Variants in TRAPPC9 observed in about 807,000 individuals in gnomAD.
The protein encoded by TRAPPC9 is IKK2 binding protein.
A neutral mutation model predicts 124.0 loss-of-function variants in TRAPPC9; 83 were observed. That is an observed-to-expected ratio of 0.67 (90% CI 0.56 to 0.80). The LOEUF is 0.80. Among genes scored for constraint, TRAPPC9 ranks in the 30% least tolerant of loss-of-function variants. The probability of loss-of-function intolerance (pLI) is 0.00; values close to 1 mark genes in which losing one functional copy is unlikely to be tolerated. For synonymous variants in TRAPPC9, 638 were observed against 617.5 expected (o/e 1.03, Z -0.49); for missense variants, 1,302 against 1,508.3 (o/e 0.86, Z 2.27).
intron 21 of TRAPPC9, among the ~76,000 whole-genome samples, chr8:139,754,053 G>A (rs1294495316): frequency 6.6e-6 from 1 of 152,222 alleles, no homozygotes; most frequent in Non-Finnish European, 1.5e-5. Flanking sequence ...TGCAAAAAGA[G>A]AGACCATCCA....
intron 17 of TRAPPC9, among the ~76,000 whole-genome samples, chr8:140,080,512 G>C (rs1350949795): frequency 6.6e-6 from 1 of 152,230 alleles, no homozygotes; most frequent in Admixed American, 6.5e-5. Context: ...AGAAACACCA[G>C]AGGGCATATG....
At chr8:139,751,113 T>A (rs959378602) in intron 21 of TRAPPC9, among the ~76,000 whole-genome samples, 1 of 152,096 alleles carries the variant, frequency 6.6e-6, no homozygotes, top group Non-Finnish European at 1.5e-5. Context: ...CCATTTAAAA[T>A]TAGCACAGCC....
At chr8:139,921,099 A>G (rs1387214393) in intron 19 of TRAPPC9, among the ~76,000 whole-genome samples, 2 of 152,256 alleles carry the variant, frequency 1.3e-5, no homozygotes, top group South Asian at 4.1e-4. Flanking sequence ...TGGATCTTGC[A>G]GCACAGCTAG....
intron 17 of TRAPPC9, among the ~76,000 whole-genome samples, chr8:140,201,610 A>G (rs540510356): frequency 6.6e-6 from 1 of 152,360 alleles, no homozygotes; most frequent in African/African-American, 2.4e-5. Flanking sequence ...TTCAAATATT[A>G]TATCTCATTG....
Position 139,885,367 on chromosome 8 carries a change from C to T in TRAPPC9, c.3055+512G>A, listed in dbSNP as rs567615000. On this transcript the variant is annotated intron_variant, in intron 21 of 22. Transcript: ENST00000438773. The stretch of plus-strand genomic sequence containing the variant: ...GGTTGAACACAACGTTGAGTTGAGG[C>T]ATTTACAAACCAAACAATTTTCCAC... Among the ~76,000 whole-genome samples the T allele has an allele frequency of 2.6e-5, 4 of 152,272 alleles. No individual in the cohort carries two copies. The South Asian group carries it at 8.3e-4, about 32-fold the overall frequency.
intron 7 of TRAPPC9, among the ~76,000 whole-genome samples, chr8:140,392,423 G>A (rs1588271617): frequency 1.3e-5 from 2 of 152,310 alleles, no homozygotes; most frequent in East Asian, 1.9e-4. Context: ...GAGCAGGCCT[G>A]ACTAGAAAAT....
chr8:139,890,309 A>G (rs1172966117), intron 20 of TRAPPC9, among the ~76,000 whole-genome samples: 1 of 152,238 alleles, frequency 6.6e-6, no homozygotes, highest in Non-Finnish European at 1.5e-5. Flanking sequence ...CGAGCACCCC[A>G]TCAGGGCTAA....
At chr8:140,322,162 C>T (rs1335753869) in intron 9 of TRAPPC9, among the ~76,000 whole-genome samples, 1 of 152,170 alleles carries the variant, frequency 6.6e-6, no homozygotes, top group Non-Finnish European at 1.5e-5. Flanking sequence ...CTCCCCCAAA[C>T]CCACAAATCC....
At chr8:140,067,309 A>C (rs1842939158) in intron 17 of TRAPPC9, among the ~76,000 whole-genome samples, 1 of 152,034 alleles carries the variant, frequency 6.6e-6, no homozygotes, top group African/African-American at 2.4e-5. Context: ...AAACCCAGCT[A>C]ATTTTTTGTA....
At chr8:140,290,230 C>T (rs545292627) in intron 12 of TRAPPC9, among the ~76,000 whole-genome samples, 76 of 152,300 alleles carry the variant, frequency 5.0e-4, no homozygotes, top group African/African-American at 1.8e-3. Context: ...CATGAAAGGC[C>T]CGCCTCTTAC....
chr8:139,867,902 T>TGGAAA (rs1322874670), intron 21 of TRAPPC9, among the ~76,000 whole-genome samples: 13 of 152,182 alleles, frequency 8.5e-5, no homozygotes, highest in Non-Finnish European at 1.6e-4. Flanking sequence ...CTGGGATAGC[T>TGGAAA]GGAAAAACTG....
intron 11 of TRAPPC9, among the ~76,000 whole-genome samples, chr8:140,294,021 G>T (rs926557822): frequency 6.6e-6 from 1 of 152,144 alleles, no homozygotes; most frequent in East Asian, 1.9e-4. Flanking sequence ...CAAATGTTAT[G>T]CCCGTTCTAC....
intron 22 of TRAPPC9, 33 bp downstream of exon 22, chr8:139,731,946 G>T: frequency 6.5e-7 from 1 of 1,546,930 alleles, no homozygotes; most frequent in Non-Finnish European, 8.8e-7. Context: ...CATGGCCAGA[G>T]GCTCCCAGAC....
chr8:140,360,183 T>C lies in TRAPPC9; in HGVS notation c.1362A>G (p.Arg454=). The C allele has an allele frequency of 6.2e-7, 1 of 1,614,178 alleles. No homozygotes were observed. Among genetic ancestry groups the C allele is most frequent in the Non-Finnish European group, 8.5e-7 (1 of 1,180,034 alleles). ...DPKDFSRGTH[R]GWAAVQMRLL... ...AACGCATCTGGACCGCAGCCCAGCCTCTGTGCGTGCCTGCGATGGAAGTTA... is the reference window on the plus strand; with the variant it reads ...AACGCATCTGGACCGCAGCCCAGCCCCTGTGCGTGCCTGCGATGGAAGTTA... Residue 454 remains arginine (R), a synonymous_variant, in exon 9 of 23, where the codon AGA becomes AGG. Transcript: ENST00000438773.
rs188846671 is a variant in TRAPPC9, at chr8:139,756,103, A to G, written c.3056-23901T>C. The stretch of plus-strand genomic sequence containing the variant: ...GGTTTGGGGATGAGGACAGCAGGTC[A>G]CAGGAGGAGCCAGGGATTAGGGATG... On this transcript the variant is annotated intron_variant, in intron 21 of 22. Coordinates refer to ENST00000438773, the MANE Select transcript of TRAPPC9 (RefSeq NM_001160372.4). Among the ~76,000 whole-genome samples, 327 of 55,746 alleles carry G rather than the reference A, an allele frequency of 5.9e-3. 10 individuals are homozygous for G. The highest frequency in any genetic ancestry group is 0.011 in the African/African-American group (86 of 7,484). The allele number at this position is 55,746 out of a possible 152,430, so 36.6% of individuals were successfully genotyped here.
At chr8:139,995,813 T>C (rs1218676322) in intron 18 of TRAPPC9, among the ~76,000 whole-genome samples, 11 of 134,642 alleles carry the variant, frequency 8.2e-5, no homozygotes, top group South Asian at 4.6e-4. Flanking sequence ...GCACCACAAA[T>C]GCTTTGAAAC....
At chr8:139,985,587 C>T (rs1837194045) in intron 19 of TRAPPC9, among the ~76,000 whole-genome samples, 1 of 152,122 alleles carries the variant, frequency 6.6e-6, no homozygotes, top group African/African-American at 2.4e-5. Context: ...AGTGACAAGT[C>T]CTTTCCAAGG....
intron 5 of TRAPPC9, among the ~76,000 whole-genome samples, chr8:140,410,759 C>T (rs2069678635): frequency 6.6e-6 from 1 of 151,516 alleles, no homozygotes; most frequent in African/African-American, 2.4e-5. Flanking sequence ...AGGAGAATGG[C>T]GTGAACACAG....
chr8:139,837,524 A>G (rs28702894), intron 21 of TRAPPC9, among the ~76,000 whole-genome samples: 34,228 of 152,172 alleles, frequency 0.22, 5,465 homozygotes, highest in African/African-American at 0.44. Context: ...CTGAAGGCTC[A>G]CGTGCCCAGG....
Sources: gnomAD v4.1 joint callset for allele counts (sites outside exome capture counted in the v4.1 genomes callset) on GRCh38, gnomAD v4.1.1 for gene constraint, MANE v1.5 for transcripts, NCBI Gene and HGNC (gene_info 2026-07-23, HGNC 2026-07-21) for gene names.